Variants in ABI1 observed in about 807,000 individuals in gnomAD.
ABI1 encodes the protein Abelson interactor 1.
In ABI1, 14 loss-of-function variants were observed where a neutral mutation model predicts 54.6. The observed-to-expected ratio is 0.26, with a 90% CI of 0.17 to 0.40. The LOEUF is 0.40. Among genes scored for constraint, ABI1 ranks in the 10% least tolerant of loss-of-function variants. The probability of loss-of-function intolerance (pLI) is 1.00; values close to 1 mark genes in which losing one functional copy is unlikely to be tolerated. For missense variants in ABI1, 443 were observed against 598.3 expected (o/e 0.74, Z 2.71); for synonymous variants, 194 against 209.3 (o/e 0.93, Z 0.63).
chr10:26,797,121 T>C (rs1383155591), intron 2 of ABI1, among the ~76,000 whole-genome samples: 2 of 152,184 alleles, frequency 1.3e-5, no homozygotes, highest in African/African-American at 2.4e-5. Flanking sequence ...ACAGTAAAAT[T>C]TATTTTTTAA....
intron 1 of ABI1, among the ~76,000 whole-genome samples, chr10:26,852,582 T>C (rs1197026013): frequency 1.3e-5 from 2 of 152,218 alleles, no homozygotes; most frequent in Non-Finnish European, 2.9e-5. Flanking sequence ...TATATACATT[T>C]CTGATGTTTA....
At position 26,747,642 on chromosome 10, in the gene ABI1, AT is replaced by A; in HGVS notation, c.*927del. On this transcript the variant is annotated 3_prime_UTR_variant, in exon 11 of 11. Transcript: ENST00000376140. ...AGAATGAATGCACACAATTTGACAC[AT>A]TTTCTTAGTTTCAAAAGATTATTTA... The A allele has an allele frequency of 5.0e-6, 1 of 198,652 alleles. No individual in the cohort carries two copies. Among genetic ancestry groups the A allele is most frequent in the Non-Finnish European group, 1.0e-5 (1 of 96,152 alleles). The allele number at this position is 198,652 out of a possible 1,614,324, so 12.3% of individuals were successfully genotyped here. A position where few individuals can be genotyped will look rare whatever the true frequency, so the allele number is the denominator to read the frequency against.
At chr10:26,771,713 C>T (rs544479635) in intron 3 of ABI1, among the ~76,000 whole-genome samples, 1 of 152,280 alleles carries the variant, frequency 6.6e-6, no homozygotes, top group Non-Finnish European at 1.5e-5. Flanking sequence ...AAAACTCTCT[C>T]ATTCCTAGCT....
intron 2 of ABI1, among the ~76,000 whole-genome samples, chr10:26,795,378 G>A (rs2133265587): frequency 6.6e-6 from 1 of 152,102 alleles, no homozygotes; most frequent in Middle Eastern, 3.4e-3. Flanking sequence ...ATTTAACACA[G>A]TACTAGAAGT....
At chr10:26,827,259 T>C (rs1361000122) in intron 1 of ABI1, among the ~76,000 whole-genome samples, 2 of 149,476 alleles carry the variant, frequency 1.3e-5, no homozygotes, top group Non-Finnish European at 3.0e-5. Flanking sequence ...TCTCACTCTG[T>C]CGCCCAGGCT....
chr10:26,848,200 CA>C (rs149066426), intron 1 of ABI1, among the ~76,000 whole-genome samples: 810 of 78,648 alleles, frequency 0.01, 3 homozygotes, highest in African/African-American at 0.032. Context: ...GACCCTGTCT[CA>C]AAAAAAAAAA....
At chr10:26,827,413 G>C (rs2133857969) in intron 1 of ABI1, among the ~76,000 whole-genome samples, 1 of 151,774 alleles carries the variant, frequency 6.6e-6, no homozygotes, top group African/African-American at 2.4e-5. Context: ...AGTAGAGATA[G>C]GGTTTCACCA....
intron 1 of ABI1, among the ~76,000 whole-genome samples, chr10:26,824,140 T>C (rs1162901590): frequency 1.3e-5 from 2 of 151,644 alleles, no homozygotes; most frequent in African/African-American, 4.8e-5. Context: ...AAAAAAGCAA[T>C]GGAACCACTC....
intron 2 of ABI1, among the ~76,000 whole-genome samples, chr10:26,813,696 A>C (rs1489692905): frequency 7.0e-6 from 1 of 143,334 alleles, no homozygotes; most frequent in African/African-American, 2.8e-5. Flanking sequence ...GAAGAAGCAG[A>C]CATGAGAACC....
At chr10:26,828,302 C>T (rs1052462226) in intron 1 of ABI1, among the ~76,000 whole-genome samples, 3 of 152,050 alleles carry the variant, frequency 2.0e-5, no homozygotes, top group Admixed American at 6.6e-5. Context: ...GTAATAACAT[C>T]GAATATCACC....
At chr10:26,832,936 C>G (rs1291945260) in intron 1 of ABI1, among the ~76,000 whole-genome samples, 2 of 152,126 alleles carry the variant, frequency 1.3e-5, no homozygotes, top group Non-Finnish European at 2.9e-5. Flanking sequence ...CTAAAAGGAT[C>G]TAATTTTCTC....
intron 2 of ABI1, among the ~76,000 whole-genome samples, chr10:26,784,435 T>A (rs1842484962): frequency 6.6e-6 from 1 of 152,004 alleles, no homozygotes; most frequent in Admixed American, 6.5e-5. Context: ...ACTAGAGAAG[T>A]ATTCATACTG....
At chr10:26,817,153 G>A (rs570275897) in intron 2 of ABI1, among the ~76,000 whole-genome samples, 1 of 151,888 alleles carries the variant, frequency 6.6e-6, no homozygotes, top group South Asian at 2.1e-4. Flanking sequence ...GTGCCTGCTA[G>A]CACGCCCGCC....
At chr10:26,763,421 T>C (rs1839489067) in intron 7 of ABI1, among the ~76,000 whole-genome samples, 1 of 152,204 alleles carries the variant, frequency 6.6e-6, no homozygotes, top group Non-Finnish European at 1.5e-5. Flanking sequence ...TCATAAAAAC[T>C]GGGCCATATC....
chr10:26,852,738 G>C (rs1457381129), intron 1 of ABI1, among the ~76,000 whole-genome samples: 1 of 152,096 alleles, frequency 6.6e-6, no homozygotes, highest in Non-Finnish European at 1.5e-5. Context: ...TTCAGGAAAT[G>C]AGTGAATTAA....
At chr10:26,852,467 G>A (rs980677500) in intron 1 of ABI1, among the ~76,000 whole-genome samples, 7 of 152,060 alleles carry the variant, frequency 4.6e-5, no homozygotes, top group African/African-American at 1.2e-4. Context: ...CAACAAGAAC[G>A]AAACTCTGTC....
At chr10:26,834,160 G>A (rs1011118241) in intron 1 of ABI1, among the ~76,000 whole-genome samples, 1 of 152,102 alleles carries the variant, frequency 6.6e-6, no homozygotes, top group East Asian at 1.9e-4. Context: ...AACCCGGAAG[G>A]TGGAGGTTGC....
intron 1 of ABI1, chr10:26,839,604 A>C (rs1374575610): frequency 8.6e-6 from 5 of 581,692 alleles, no homozygotes; most frequent in Non-Finnish European, 1.2e-5. Context: ...ACACTGTCAC[A>C]ATCAGCACCA....
At chr10:26,848,449 AT>A (rs1276955754) in intron 1 of ABI1, among the ~76,000 whole-genome samples, 3 of 152,120 alleles carry the variant, frequency 2.0e-5, no homozygotes, top group Admixed American at 1.3e-4. Flanking sequence ...AAATTACTAA[AT>A]TTTTGGTATG....
Sources: gnomAD v4.1 joint callset for allele counts (sites outside exome capture counted in the v4.1 genomes callset) on GRCh38, gnomAD v4.1.1 for gene constraint, MANE v1.5 for transcripts, NCBI Gene and HGNC (gene_info 2026-07-23, HGNC 2026-07-21) for gene names.